The following CXXC1 variants were observed in gnomAD, a reference collection of about 807,000 sequenced individuals.
CXXC1 encodes the protein CXXC-type zinc finger protein 1.
In CXXC1, 21 loss-of-function variants were observed where a neutral mutation model predicts 83.6. That is an observed-to-expected ratio of 0.25 (90% CI 0.18 to 0.36). CXXC1 has a LOEUF of 0.36. Among genes scored for constraint, CXXC1 ranks in the 10% least tolerant of loss-of-function variants. The probability of loss-of-function intolerance (pLI) is 1.00; values close to 1 mark genes in which losing one functional copy is unlikely to be tolerated. For missense variants in CXXC1, 688 were observed against 919.5 expected (o/e 0.75, Z 3.26); for synonymous variants, 371 against 337.5 (o/e 1.10, Z -1.09).
In CXXC1 at chr18:50,282,976, G is replaced by T. The variant is rs1363373193; in HGVS notation, c.1702C>A (p.Leu568Ile). Residue 568 changes from leucine to isoleucine, a missense_variant, in exon 14 of 15, where the codon CTT (leucine) becomes ATT (isoleucine). Leu to Ile is a conservative substitution (Grantham distance 5). Transcript: ENST00000285106. The surrounding 1 kb of genome is among the most constrained non-coding windows in gnomAD (Gnocchi z 5.8). ...GTGAGCTCAAAGACATCACGTACAA[G>T]GGGGCACCCGCATACCTCGTCAGCT... Reference protein sequence around the residue: ...VPADEVCGCPLVRDVFELTGD... With the variant: ...VPADEVCGCPIVRDVFELTGD... 2 of 1,614,042 alleles carry T rather than the reference G, an allele frequency of 1.2e-6. No individual in the cohort carries two copies. Among genetic ancestry groups the T allele is most frequent in the Non-Finnish European group, 8.5e-7 (1 of 1,180,052 alleles).
In CXXC1 at chr18:50,287,018, C is replaced by A. The variant is rs1319391538; in HGVS notation, c.4-160G>T. ...CTCCATCACAGTCCCCACTGACCCC[C>A]ATCCCTTCCTCTGACATCCTATTAC... On this transcript the variant is annotated intron_variant, in intron 1 of 14. Transcript: ENST00000285106. 6.4e-6 allele frequency: 4 copies of A among 622,020 alleles called. No individual in the cohort carries two copies. The African/African-American group carries it at 7.3e-5, about 11-fold the overall frequency. 38.5% of individuals were successfully genotyped at this position (622,020 alleles called of 1,614,324 possible). A position where few individuals can be genotyped will look rare whatever the true frequency, so the allele number is the denominator to read the frequency against.
chr18:50,285,564 G>T lies in CXXC1; in HGVS notation c.639+185C>A. The T allele has an allele frequency of 1.0e-6, 1 of 962,084 alleles. No individual in the cohort carries two copies. Among genetic ancestry groups the T allele is most frequent in the African/African-American group, 1.6e-5 (1 of 60,652 alleles). The allele number at this position is 962,084 out of a possible 1,614,324, so 59.6% of individuals were successfully genotyped here. On this transcript the variant is annotated intron_variant, in intron 5 of 14. Transcript: ENST00000285106. The surrounding 1 kb of genome is among the most constrained non-coding windows in gnomAD (Gnocchi z 4.4). Reference sequence around the variant, plus strand: ...CTCTGTCTACCCAGGGTTGGTGGGGGTGTTCTGCCAGCCCAGCATACCAGG... The same window carrying T: ...CTCTGTCTACCCAGGGTTGGTGGGGTTGTTCTGCCAGCCCAGCATACCAGG...
chr18:50,285,356 GC>G lies in CXXC1; in HGVS notation c.640-6del. 6.3e-7 allele frequency: 1 copy of G among 1,588,588 alleles called. No homozygotes were observed. Among genetic ancestry groups the G allele is most frequent in the Non-Finnish European group, 8.6e-7 (1 of 1,165,998 alleles). On this transcript the variant is annotated splice_polypyrimidine_tract_variant and splice_region_variant and intron_variant, in intron 5 of 14. Coordinates refer to ENST00000285106, the MANE Select transcript of CXXC1 (RefSeq NM_014593.4). This position sits in a 1 kb window ranked among gnomAD's most constrained non-coding sequence, Gnocchi z 4.4. ...AGGGAAGTACTTGTACGATTCCTGTGCCGGCAGGAGGAAGGCCCAGGTCAGC... is the reference window on the plus strand; with the variant it reads ...AGGGAAGTACTTGTACGATTCCTGTGCGGCAGGAGGAAGGCCCAGGTCAGC...
chr18:50,287,054 A>G, intron 1 of CXXC1, 196 bp from the exon 2 acceptor site: 2 of 582,442 alleles, frequency 3.4e-6, no homozygotes, highest in Non-Finnish European at 6.2e-6. Flanking sequence ...TCTGCTCCAT[A>G]CTTCCCATCA....
chr18:50,282,817 C>A lies in CXXC1; in HGVS notation c.1824+37G>T, dbSNP rs2040555334. 6.2e-7 allele frequency: 1 copy of A among 1,612,420 alleles called. No individual in the cohort carries two copies. Among genetic ancestry groups the A allele is most frequent in the Non-Finnish European group, 8.5e-7 (1 of 1,178,552 alleles). On this transcript the variant is annotated intron_variant, in intron 14 of 14. Transcript: ENST00000285106. The surrounding 1 kb of genome is among the most constrained non-coding windows in gnomAD (Gnocchi z 5.8). ...CCCCGGCCACGTCCGACATGGAAAC[C>A]TACCACATGCAGCACCAAAACCGCA...
rs753932175 is a variant in CXXC1, at chr18:50,283,961, C to T, written c.1346G>A (p.Arg449His). 3 of 1,613,860 alleles carry T rather than the reference C, an allele frequency of 1.9e-6. No homozygotes were observed. Among genetic ancestry groups the T allele is most frequent in the South Asian group, 1.1e-5 (1 of 91,084 alleles). Residue 449 changes from arginine to histidine, a missense_variant, in exon 10 of 15, where the codon CGC becomes CAC. Physicochemically the swap from Arg to His is conservative, Grantham distance 29. Coordinates refer to ENST00000285106, the MANE Select transcript of CXXC1 (RefSeq NM_014593.4). ...GATGGCCTCAAGCTCATGGAATCGGCGTTCCATTTCCTGAAGGCGAGTGCG... is the reference window on the plus strand; with the variant it reads ...GATGGCCTCAAGCTCATGGAATCGGTGTTCCATTTCCTGAAGGCGAGTGCG... ...SARTRLQEME[R>H]RFHELEAIIL...
At position 50,285,671 on chromosome 18, in the gene CXXC1, A is replaced by G; in HGVS notation, c.639+78T>C. 6.5e-7 allele frequency: 1 copy of G among 1,534,764 alleles called. No individual in the cohort carries two copies. Among genetic ancestry groups the G allele is most frequent in the Non-Finnish European group, 8.8e-7 (1 of 1,132,098 alleles). ...AGGCCCAATCCCACCTGGTTTATCC[A>G]TGCCTAGACTTAACTAACCATGCAT... On this transcript the variant is annotated intron_variant, in intron 5 of 14. Transcript: ENST00000285106. The surrounding 1 kb of genome is among the most constrained non-coding windows in gnomAD (Gnocchi z 4.4).
chr18:50,284,934 C>A lies in CXXC1; in HGVS notation c.912+68G>T, dbSNP rs2040689055. ...ATCAGCCTTCCATACCCTCTGTCTC[C>A]TCATTAGGGATACTCTCTGCTTCTG... On this transcript the variant is annotated intron_variant, in intron 7 of 14. Transcript: ENST00000285106. 8.7e-6 allele frequency: 14 copies of A among 1,612,476 alleles called. No homozygotes were observed. In the South Asian group the frequency reaches 1.4e-4, roughly 16 times the overall value.
At chr18:50,284,669 A>AC (rs1568304909) in intron 8 of CXXC1, 63 bp downstream of exon 8, 1 of 1,608,610 alleles carries the variant, frequency 6.2e-7, no homozygotes, top group Non-Finnish European at 8.5e-7. Context: ...TCAGCCTCTG[A>AC]CCTCTGCCTC....
chr18:50,286,515 T>C (rs759201368), intron 3 of CXXC1, 24 bp downstream of exon 3: 1 of 1,601,932 alleles, frequency 6.2e-7, no homozygotes. Flanking sequence ...CCACCTGCCT[T>C]CCCTGTCCAT....
rs755950165 is a variant in CXXC1 at position 50,285,135 on chromosome 18, G to A, written c.779C>T (p.Ala260Val). Residue 260 changes from alanine to valine, a missense_variant, in exon 7 of 15, where the codon GCA becomes GTA. Around this residue, in one of 9 missense-constraint regions of CXXC1, gnomAD observed 190 missense variants for 199.7 expected, o/e 0.95. Transcript: ENST00000285106. The surrounding 1 kb of genome is among the most constrained non-coding windows in gnomAD (Gnocchi z 4.4). ...CTCCTTGACTGTTGATGACGCCACT[G>A]CCCCCTCATCTTCACGGATGCGCCC... ...KLGRIREDEG[A>V]VASSTVKEPP... 1.3e-5 allele frequency: 21 copies of A among 1,614,202 alleles called. No individual in the cohort carries two copies. Among genetic ancestry groups the A allele is most frequent in the Non-Finnish European group, 1.7e-5 (20 of 1,180,042 alleles).
At position 50,283,624 on chromosome 18, in the gene CXXC1, C is replaced by T. The variant is rs762791741; in HGVS notation, c.1525-60G>A. 130 of 1,610,180 alleles carry T rather than the reference C, an allele frequency of 8.1e-5. 1 individual carries two copies. The highest frequency in any genetic ancestry group is 1.1e-4 in the Non-Finnish European group (126 of 1,176,858). On this transcript the variant is annotated intron_variant, in intron 11 of 14. Transcript: ENST00000285106. ...ATGTGCGCTGCATGCCCTCCCAAGA[C>T]ACCACCCAGACAACAAATCTGTCCC...
In CXXC1 at chr18:50,287,680, G is replaced by T; in HGVS notation, c.-91C>A. Reference sequence around the variant, plus strand: ...CGGCGGCGTCCCAGGCGGTTGCAAAGGCGCCCACAACTACTTCCGCTTCTA... The same window carrying T: ...CGGCGGCGTCCCAGGCGGTTGCAAATGCGCCCACAACTACTTCCGCTTCTA... On this transcript the variant is annotated 5_prime_UTR_variant, in exon 1 of 15. Transcript: ENST00000285106. The T allele has an allele frequency of 2.6e-6, 4 of 1,539,234 alleles. No individual in the cohort carries two copies. Among genetic ancestry groups the T allele is most frequent in the Non-Finnish European group, 3.5e-6 (4 of 1,127,134 alleles).
rs1195475945 is a variant in CXXC1 at position 50,282,888 on chromosome 18, C to T, written c.1790G>A (p.Arg597Gln). The change falls in exon 14 of 15, where the codon CGG becomes CAG. Residue 597 changes from arginine to glutamine, a missense_variant. Arg to Gln is a conservative substitution (Grantham distance 43). Around this residue, in one of 9 missense-constraint regions of CXXC1, gnomAD observed 114 missense variants for 173.3 expected, o/e 0.66. Coordinates refer to ENST00000285106, the MANE Select transcript of CXXC1 (RefSeq NM_014593.4). The surrounding 1 kb of genome is among the most constrained non-coding windows in gnomAD (Gnocchi z 5.8). The part of the protein sequence containing the change: ...CNRHYCWEKL[R>Q]RAEVDLERVR... ...GCGCTCCAAGTCCACTTCCGCACGC[C>T]GCAGCTTCTCCCAGCAGTAATGGCG... 1 of 1,614,146 alleles carries T rather than the reference C, an allele frequency of 6.2e-7. No individual in the cohort carries two copies. Among genetic ancestry groups the T allele is most frequent in the East Asian group, 2.2e-5 (1 of 44,866 alleles).
chr18:50,284,821 C>G lies in CXXC1; in HGVS notation c.931G>C (p.Glu311Gln). Residue 311 changes from glutamate to glutamine, a missense_variant, in exon 8 of 15, where the codon GAA becomes CAA. Physicochemically the swap from Glu to Gln is conservative, Grantham distance 29. Transcript: ENST00000285106. ...DHGLPWMSDT[E>Q]ESPFLDPALR... ...GCGGGGTCCAGGAATGGGGACTCTTCTGTGTCGCTCATCCAGGGCTGCAAG... is the reference window on the plus strand; with the variant it reads ...GCGGGGTCCAGGAATGGGGACTCTTGTGTGTCGCTCATCCAGGGCTGCAAG... The G allele has an allele frequency of 6.2e-7, 1 of 1,614,190 alleles. No individual in the cohort carries two copies. The highest frequency in any genetic ancestry group is 8.5e-7 in the Non-Finnish European group (1 of 1,180,048).
In CXXC1 at chr18:50,286,733, C is replaced by A; in HGVS notation, c.122+7G>T. 1 of 1,612,200 alleles carries A rather than the reference C, an allele frequency of 6.2e-7. No homozygotes were observed. The highest frequency in any genetic ancestry group is 1.1e-5 in the South Asian group (1 of 91,054). ...GTGTCAGCCCCGCCCATCTCTCCCGCGCTCACATCATGAAGCAGTTGATGT... is the reference window on the plus strand; with the variant it reads ...GTGTCAGCCCCGCCCATCTCTCCCGAGCTCACATCATGAAGCAGTTGATGT... On this transcript the variant is annotated splice_region_variant and intron_variant, in intron 2 of 14. Transcript: ENST00000285106.
chr18:50,283,075 G>A, intron 13 of CXXC1, 69 bp from the exon 14 acceptor site: 1 of 1,552,086 alleles, frequency 6.4e-7, no homozygotes, highest in Non-Finnish European at 8.8e-7. Flanking sequence ...GGCTCAAGGA[G>A]GGAGAAGGAA....
chr18:50,282,426 T>C lies in CXXC1; in HGVS notation c.*167A>G, dbSNP rs2040488245. 2.4e-6 allele frequency: 2 copies of C among 843,992 alleles called. No individual in the cohort carries two copies. Among genetic ancestry groups the C allele is most frequent in the Non-Finnish European group, 3.8e-6 (2 of 528,970 alleles). The allele number at this position is 843,992 out of a possible 1,614,324, so 52.3% of individuals were successfully genotyped here. A position where few individuals can be genotyped will look rare whatever the true frequency, so the allele number is the denominator to read the frequency against. ...TGGACTCCGCAGCCCCACCAGGCAC[T>C]GAACATGTCGACGGGGACAGTCCCT... On this transcript the variant is annotated 3_prime_UTR_variant, in exon 15 of 15. Coordinates refer to ENST00000285106, the MANE Select transcript of CXXC1 (RefSeq NM_014593.4). The surrounding 1 kb of genome is among the most constrained non-coding windows in gnomAD (Gnocchi z 5.8).
Position 50,284,669 on chromosome 18 carries a change from A to ACCTCTGCCTCTCCCTCAACCCCAC in CXXC1, c.1020+39_1020+62dup, listed in dbSNP as rs1176522968. 83 of 1,608,728 alleles carry ACCTCTGCCTCTCCCTCAACCCCAC rather than the reference A, an allele frequency of 5.2e-5. No individual in the cohort carries two copies. In the East Asian group the frequency reaches 1.6e-3, roughly 31 times the overall value. ...TGGCTCTTGCCCCATTCAGCCTCTG[A>ACCTCTGCCTCTCCCTCAACCCCAC]CCTCTGCCTCTCCCTCAACCCCACC... On this transcript the variant is annotated intron_variant, in intron 8 of 14. Transcript: ENST00000285106.
Sources: allele counts gnomAD v4.1 joint callset, GRCh38; gene constraint gnomAD v4.1.1; regional missense constraint gnomAD v4.1.1; non-coding constraint Gnocchi (gnomAD v3.1); transcripts MANE v1.5; gene names NCBI Gene and HGNC (gene_info 2026-07-23, HGNC 2026-07-21).